ASIC2: variants seen among roughly 807,000 people sequenced by gnomAD.
The protein encoded by ASIC2 is acid-sensing ion channel 2.
ASIC2 carries 25 observed loss-of-function variants against 57.3 expected under a neutral mutation model. The observed-to-expected ratio is 0.44, with a 90% CI of 0.32 to 0.61. The LOEUF (loss-of-function observed/expected upper bound fraction) is 0.61, where lower values mean the gene tolerates loss of function less well. Ranked by LOEUF, ASIC2 falls within the 20% of genes least tolerant of loss-of-function variation. The pLI is 0.06. For synonymous variants in ASIC2, 319 were observed against 307.5 expected (o/e 1.04, Z -0.39); for missense variants, 641 against 738.1 (o/e 0.87, Z 1.52).
At position 33,105,550 on chromosome 17, in the gene ASIC2, T is replaced by C. The variant is rs180990089; in HGVS notation, c.859+6367A>G. 2.0e-5 allele frequency among the ~76,000 whole-genome samples: 3 copies of C among 152,328 alleles called. No individual in the cohort carries two copies. In the East Asian group the frequency reaches 5.8e-4, roughly 29 times the overall value. On this transcript the variant is annotated intron_variant, in intron 2 of 9. Transcript: ENST00000225823. The stretch of plus-strand genomic sequence containing the variant: ...GTACCAGTAAAGTGGGATATTGCTA[T>C]GAAGATACTTGAAAATGTGGAAAAC...
At chr17:33,715,859 G>A (rs906273639) in intron 1 of ASIC2, among the ~76,000 whole-genome samples, 1 of 152,154 alleles carries the variant, frequency 6.6e-6, no homozygotes, top group African/African-American at 2.4e-5. Flanking sequence ...TAAAATTGTA[G>A]AGACGTCATG....
chr17:33,849,211 G>T (rs1342380313), intron 1 of ASIC2, among the ~76,000 whole-genome samples: 1 of 152,142 alleles, frequency 6.6e-6, no homozygotes, highest in Non-Finnish European at 1.5e-5. Flanking sequence ...CGCCTGCTAG[G>T]AGCTTCTTGG....
chr17:34,096,856 C>CAAAAAAA lies in ASIC2; in HGVS notation c.555+59115_555+59121dup, dbSNP rs71286247. 2.7e-4 allele frequency among the ~76,000 whole-genome samples: 8 copies of CAAAAAAA among 30,114 alleles called. 2 individuals carry two copies. The highest frequency in any genetic ancestry group is 1.7e-3 in the Admixed American group (2 of 1,206). 19.8% of individuals were successfully genotyped at this position (30,114 alleles called of 152,430 possible). ...TGGGTGACAGGGTGAGACTCCATCT[C>CAAAAAAA]AAAAAAAAAAAAAAAAAAAAAAAAA... is the stretch of plus-strand genomic sequence containing the variant. On this transcript the variant is annotated intron_variant, in intron 1 of 9. Transcript: ENST00000359872.
chr17:33,065,101 T>G (rs1295598238), intron 3 of ASIC2, among the ~76,000 whole-genome samples: 1 of 148,678 alleles, frequency 6.7e-6, no homozygotes, highest in African/African-American at 2.5e-5. Flanking sequence ...AATAGGCAGG[T>G]TTTTTTTTTG....
intron 3 of ASIC2, among the ~76,000 whole-genome samples, chr17:33,048,524 T>C (rs1458874824): frequency 6.6e-6 from 1 of 152,246 alleles, no homozygotes; most frequent in Non-Finnish European, 1.5e-5. Flanking sequence ...GCTTAATTTC[T>C]GGATGGGCCT....
At chr17:33,630,139 C>T (rs1906114552) in intron 1 of ASIC2, among the ~76,000 whole-genome samples, 1 of 152,114 alleles carries the variant, frequency 6.6e-6, no homozygotes. Flanking sequence ...ACTTTTCTTC[C>T]CTACCCTCAA....
intron 1 of ASIC2, among the ~76,000 whole-genome samples, chr17:33,982,990 G>A (rs901788099): frequency 1.3e-5 from 2 of 152,080 alleles, no homozygotes; most frequent in Admixed American, 1.3e-4. Context: ...ACACACAGTA[G>A]GTGTGCACCA....
chr17:33,278,544 T>C (rs1256869430), intron 1 of ASIC2, among the ~76,000 whole-genome samples: 1 of 152,082 alleles, frequency 6.6e-6, no homozygotes, highest in Non-Finnish European at 1.5e-5. Context: ...TCAATAGTTC[T>C]GGTTTGGAGT....
intron 1 of ASIC2, among the ~76,000 whole-genome samples, chr17:34,137,745 T>C (rs1291934345): frequency 1.3e-5 from 2 of 152,164 alleles, no homozygotes; most frequent in South Asian, 2.1e-4. Context: ...ATTCAGTGTC[T>C]GGTGAAGGCT....
chr17:33,706,964 G>A (rs992861061), intron 1 of ASIC2, among the ~76,000 whole-genome samples: 8 of 152,200 alleles, frequency 5.3e-5, no homozygotes, highest in Non-Finnish European at 1.2e-4. Context: ...CAAAATTCAA[G>A]TAGCTTCTGA....
intron 1 of ASIC2, among the ~76,000 whole-genome samples, chr17:33,848,733 G>A (rs1913682243): frequency 6.6e-6 from 1 of 152,144 alleles, no homozygotes; most frequent in South Asian, 2.1e-4. Flanking sequence ...GAGGTACCTG[G>A]AAGGCAGGCA....
chr17:33,414,297 G>A lies in ASIC2; in HGVS notation c.556-302230C>T, dbSNP rs574418419. Among the ~76,000 whole-genome samples, 11 of 152,280 alleles carry A rather than the reference G, an allele frequency of 7.2e-5. No individual in the cohort carries two copies. The South Asian group carries it at 2.3e-3, about 32-fold the overall frequency. On this transcript the variant is annotated intron_variant, in intron 1 of 9. Coordinates refer to the ASIC2 transcript ENST00000359872. ...TGGCGAGGAGGCTGGAGGGAGCAGT[G>A]CAGAGAGACTCCAGTAGGTAGAAAA...
At chr17:33,385,222 A>T (rs1333110538) in intron 1 of ASIC2, among the ~76,000 whole-genome samples, 1 of 152,174 alleles carries the variant, frequency 6.6e-6, no homozygotes, top group African/African-American at 2.4e-5. Flanking sequence ...GACTGAATAG[A>T]CTATCTTTGG....
intron 1 of ASIC2, among the ~76,000 whole-genome samples, chr17:33,667,932 G>A (rs1034618608): frequency 2.6e-5 from 4 of 152,122 alleles, no homozygotes; most frequent in African/African-American, 9.7e-5. Flanking sequence ...GACCATTATC[G>A]GATACCAGAA....
intron 1 of ASIC2, among the ~76,000 whole-genome samples, chr17:33,263,096 A>T (rs545258317): frequency 1.3e-5 from 2 of 152,220 alleles, no homozygotes; most frequent in African/African-American, 4.8e-5. Flanking sequence ...AGGGAAGGGC[A>T]TCTGTTTGTT....
chr17:33,859,823 T>C (rs568862654), intron 1 of ASIC2, among the ~76,000 whole-genome samples: 6 of 152,152 alleles, frequency 3.9e-5, no homozygotes, highest in Admixed American at 2.6e-4. Context: ...TAGCTGGGAA[T>C]ACAGGTGCAT....
chr17:33,773,656 GTT>G (rs113663094), intron 1 of ASIC2, among the ~76,000 whole-genome samples: 21 of 136,960 alleles, frequency 1.5e-4, no homozygotes, highest in East Asian at 2.1e-4. Flanking sequence ...TAGTCTCTCT[GTT>G]TTTTTTTTTT....
At chr17:33,378,556 T>A (rs1470602453) in intron 1 of ASIC2, among the ~76,000 whole-genome samples, 1 of 152,248 alleles carries the variant, frequency 6.6e-6, no homozygotes. Flanking sequence ...CACTCTCTGA[T>A]TCCTCAGTGT....
chr17:34,009,707 C>T (rs1597972145), intron 1 of ASIC2, among the ~76,000 whole-genome samples: 1 of 152,174 alleles, frequency 6.6e-6, no homozygotes, highest in East Asian at 1.9e-4. Context: ...GGGGGCATTT[C>T]TGCTAAATGT....
Sources: gnomAD v4.1 joint callset for allele counts (sites outside exome capture counted in the v4.1 genomes callset) on GRCh38, gnomAD v4.1.1 for gene constraint, MANE v1.5 for transcripts, NCBI Gene and HGNC (gene_info 2026-07-23, HGNC 2026-07-21) for gene names.